RALGAPA1: variants seen among roughly 807,000 people sequenced by gnomAD.
RALGAPA1 encodes Ral GTPase activating protein catalytic subunit alpha 1.
Under a neutral mutation model 269.6 loss-of-function variants are expected in RALGAPA1, and 52 were observed. That is an observed-to-expected ratio of 0.19 (90% CI 0.15 to 0.24). The LOEUF is 0.24. Ranked by LOEUF, RALGAPA1 falls within the 10% of genes least tolerant of loss-of-function variation. The pLI is 1.00. For synonymous variants in RALGAPA1, 817 were observed against 1,008.3 expected (o/e 0.81, Z 3.60); for missense variants, 1,917 against 3,013.9 (o/e 0.64, Z 8.52).
At chr14:35,772,055 A>G (rs918821105) in intron 3 of RALGAPA1, among the ~76,000 whole-genome samples, 4 of 152,032 alleles carry the variant, frequency 2.6e-5, no homozygotes, top group African/African-American at 7.2e-5. Flanking sequence ...TAGGTATGAG[A>G]GCAAATTTTT....
rs200551162 is a variant in RALGAPA1, at chr14:35,627,357, G to A, written c.6590C>T (p.Thr2197Ile). The A allele has an allele frequency of 1.2e-6, 2 of 1,614,034 alleles. No homozygotes were observed. The highest frequency in any genetic ancestry group is 2.2e-5 in the South Asian group (2 of 91,020). The change falls in exon 34 of 42, where the codon ACT becomes ATT. Residue 2197 changes from threonine to isoleucine, a missense_variant. Coordinates refer to ENST00000680220, the MANE Select transcript of RALGAPA1 (RefSeq NM_001346249.2). ...LDELLQYLGVTSPECLQRTGI... is the reference protein window; with the variant it reads ...LDELLQYLGVISPECLQRTGI... Reference sequence around the variant, plus strand: ...AGTTCTCTGTAAGCATTCAGGACTAGTAACACCCAAATACTGCAAGAGCTC... The same window carrying A: ...AGTTCTCTGTAAGCATTCAGGACTAATAACACCCAAATACTGCAAGAGCTC...
At chr14:35,766,232 C>A in intron 4 of RALGAPA1, 1 of 808,376 alleles carries the variant, frequency 1.2e-6, no homozygotes, top group African/African-American at 1.7e-5. Context: ...TGCAAGGAAT[C>A]TTAACCAGAT....
intron 39 of RALGAPA1, among the ~76,000 whole-genome samples, chr14:35,550,315 C>T (rs947032717): frequency 6.6e-6 from 1 of 152,094 alleles, no homozygotes; most frequent in African/African-American, 2.4e-5. Flanking sequence ...ACTCAGTGTG[C>T]TATGCTGACA....
At chr14:35,551,094 C>T (rs2054959386) in intron 39 of RALGAPA1, among the ~76,000 whole-genome samples, 1 of 152,144 alleles carries the variant, frequency 6.6e-6, no homozygotes, top group African/African-American at 2.4e-5. Context: ...TGATTCACAG[C>T]AGTGCCCCTT....
At chr14:35,739,745 T>C (rs1193783965) in intron 11 of RALGAPA1, among the ~76,000 whole-genome samples, 4 of 152,124 alleles carry the variant, frequency 2.6e-5, no homozygotes, top group African/African-American at 9.7e-5. Context: ...CTAGATCAGG[T>C]ACTTATCATC....
At chr14:35,684,889 T>C (rs2065781509) in intron 20 of RALGAPA1, 40 bp downstream of exon 20, 14 of 1,572,554 alleles carry the variant, frequency 8.9e-6, no homozygotes, top group Non-Finnish European at 1.2e-5. Flanking sequence ...CAGAAGACAA[T>C]CAACATAAAA....
rs142709680 is a variant in RALGAPA1, at chr14:35,597,059, CT to C, written c.7054-1271del. Among the ~76,000 whole-genome samples, 11 of 152,234 alleles carry C rather than the reference CT, an allele frequency of 7.2e-5. No individual in the cohort carries two copies. In the East Asian group the frequency reaches 2.1e-3, roughly 29 times the overall value. ...TACTGAGGTACAATCATTTAGTCCC[CT>C]ACTTGAAGGACATTTAGGTTGTTTT... is the stretch of plus-strand genomic sequence containing the variant. On this transcript the variant is annotated intron_variant, in intron 36 of 41. Transcript: ENST00000680220.
At chr14:35,718,629 A>T (rs1197632766) in intron 16 of RALGAPA1, among the ~76,000 whole-genome samples, 1 of 152,010 alleles carries the variant, frequency 6.6e-6, no homozygotes, top group African/African-American at 2.4e-5. Context: ...CAGCCTGGCC[A>T]ACATGGTGAA....
chr14:35,649,090 T>A (rs2139971943), intron 31 of RALGAPA1, among the ~76,000 whole-genome samples: 1 of 152,330 alleles, frequency 6.6e-6, no homozygotes, highest in East Asian at 1.9e-4. Context: ...ATTTCCAGCA[T>A]CAAATTTTCT....
In RALGAPA1 at chr14:35,683,770, A is replaced by G. The variant is rs1303409306; in HGVS notation, c.4471+39T>C. The G allele has an allele frequency of 3.4e-6, 5 of 1,473,268 alleles. No individual in the cohort carries two copies. In the South Asian group the frequency reaches 4.2e-5, roughly 12 times the overall value. The allele number at this position is 1,473,268 out of a possible 1,614,324, so 91.3% of individuals were successfully genotyped here. A position where few individuals can be genotyped will look rare whatever the true frequency, so the allele number is the denominator to read the frequency against. On this transcript the variant is annotated intron_variant, in intron 21 of 41. Transcript: ENST00000680220. Reference sequence around the variant, plus strand: ...TAATCAAATTCTTTGAAGGCTTAAAAAATACATTTAAGAAACACATTCCCA... The same window carrying G: ...TAATCAAATTCTTTGAAGGCTTAAAGAATACATTTAAGAAACACATTCCCA...
chr14:35,615,580 T>C (rs2060198140), intron 35 of RALGAPA1, among the ~76,000 whole-genome samples: 1 of 152,178 alleles, frequency 6.6e-6, no homozygotes, highest in Non-Finnish European at 1.5e-5. Context: ...TTCTTTAAAA[T>C]TATTTTTAAA....
At chr14:35,801,142 G>C (rs76185877) in intron 1 of RALGAPA1, among the ~76,000 whole-genome samples, 1 of 148,888 alleles carries the variant, frequency 6.7e-6, no homozygotes, top group African/African-American at 2.5e-5. Flanking sequence ...CAATAAAAGC[G>C]ATAAGACTCT....
In RALGAPA1 at chr14:35,585,593, A is replaced by C. The variant is rs372246241; in HGVS notation, c.7209+10041T>G. 7.9e-5 allele frequency among the ~76,000 whole-genome samples: 12 copies of C among 152,350 alleles called. No individual in the cohort carries two copies. In the South Asian group the frequency reaches 1.7e-3, roughly 21 times the overall value. On this transcript the variant is annotated intron_variant, in intron 37 of 41. Coordinates refer to ENST00000680220, the MANE Select transcript of RALGAPA1 (RefSeq NM_001346249.2). ...GTGCATAAAAGTTTCATCGTTTCAG[A>C]GTACAACTTTAATTAAAACTCAATC...
chr14:35,747,187 C>T (rs1311946733), intron 10 of RALGAPA1, among the ~76,000 whole-genome samples: 1 of 151,974 alleles, frequency 6.6e-6, no homozygotes, highest in Non-Finnish European at 1.5e-5. Flanking sequence ...TTAAATACTG[C>T]ATTTATGGGA....
At position 35,711,367 on chromosome 14, in the gene RALGAPA1, C is replaced by A. The variant is rs111265076; in HGVS notation, c.2266+10321G>T. Among the ~76,000 whole-genome samples, 1,300 of 152,300 alleles carry A rather than the reference C, an allele frequency of 8.5e-3. 10 individuals carry two copies. Among genetic ancestry groups the A allele is most frequent in the Non-Finnish European group, 0.014 (978 of 68,022 alleles). ...TGATTCTATTTTTCTCCCCTCCTAG[C>A]ATATGAATTACACTACATTTTAAAA... On this transcript the variant is annotated intron_variant, in intron 16 of 41. Coordinates refer to ENST00000680220, the MANE Select transcript of RALGAPA1 (RefSeq NM_001346249.2).
intron 39 of RALGAPA1, among the ~76,000 whole-genome samples, chr14:35,562,761 C>A (rs893586044): frequency 6.6e-6 from 1 of 152,016 alleles, no homozygotes; most frequent in African/African-American, 2.4e-5. Flanking sequence ...GTGGCTCACA[C>A]CTGTAATCCC....
chr14:35,803,035 GGAAAAAAAGAAACTTT>G (rs2077093352), intron 1 of RALGAPA1, among the ~76,000 whole-genome samples: 1 of 151,818 alleles, frequency 6.6e-6, no homozygotes, highest in African/African-American at 2.4e-5. Context: ...CTGGCATTTG[GGAAAAAAAGAAACTTT>G]GAAAAGGAAG....
At chr14:35,575,966 T>C (rs2057533683) in intron 37 of RALGAPA1, among the ~76,000 whole-genome samples, 1 of 152,214 alleles carries the variant, frequency 6.6e-6, no homozygotes, top group Non-Finnish European at 1.5e-5. Flanking sequence ...TTCTGGATGC[T>C]AGCTCTTCCA....
chr14:35,762,807 A>G (rs2141382829), intron 4 of RALGAPA1, 54 bp from the exon 5 acceptor site: 1 of 1,109,394 alleles, frequency 9.0e-7, no homozygotes, highest in Non-Finnish European at 1.4e-6. Context: ...TGTAAATGTC[A>G]GAGTTCTCGG....
Sources: allele counts gnomAD v4.1 joint callset (sites outside exome capture counted in the v4.1 genomes callset), GRCh38; gene constraint gnomAD v4.1.1; transcripts MANE v1.5; gene names NCBI Gene and HGNC (gene_info 2026-07-23, HGNC 2026-07-21).